The following FARP1 variants were observed in gnomAD, a reference collection of about 807,000 sequenced individuals.
FARP1 encodes the protein FERM, ARH/RhoGEF and pleckstrin domain protein 1.
FARP1 carries 52 observed loss-of-function variants against 128.8 expected under a neutral mutation model. The observed-to-expected ratio is 0.40, with a 90% confidence interval of 0.32 to 0.51. The LOEUF (loss-of-function observed/expected upper bound fraction) is 0.51. Ranked by LOEUF, FARP1 falls within the 20% of genes least tolerant of loss-of-function variation. The pLI is 0.45. For synonymous variants in FARP1, 580 were observed against 551.8 expected, an observed-to-expected ratio of 1.05 and a Z score of -0.72; for missense variants, 1,333 against 1,367.9, an observed-to-expected ratio of 0.97 and a Z score of 0.40.
At chr13:98,277,150 C>CACACACACACACACACA (rs1566824337) in intron 2 of FARP1, among the ~76,000 whole-genome samples, 373 of 11,680 alleles carry the variant, frequency 0.032, 3 homozygotes, top group African/African-American at 0.051. Context: ...ACACACACAC[C>CACACACACACACACACA]CCATATGTAT....
intron 1 of FARP1, among the ~76,000 whole-genome samples, chr13:98,149,759 A>G: frequency 1.5e-5 from 1 of 68,116 alleles, no homozygotes; most frequent in Admixed American, 2.4e-4. Context: ...TTTTTTTGAG[A>G]CGGAGTCTTA....
At chr13:98,384,898 A>C in intron 7 of FARP1, 54 bp downstream of exon 7, 1 of 1,068,564 alleles carries the variant, frequency 9.4e-7, no homozygotes, top group Non-Finnish European at 1.5e-6. Flanking sequence ...CTCTGCCTCC[A>C]ACCTACATGG....
chr13:98,215,968 T>G (rs1444020562), intron 2 of FARP1, among the ~76,000 whole-genome samples: 1 of 152,156 alleles, frequency 6.6e-6, no homozygotes, highest in Non-Finnish European at 1.5e-5. Context: ...TTTTTGTGTT[T>G]TTAGTAGAGA....
At chr13:98,384,690 C>G (rs372349611) in intron 6 of FARP1, 40 bp from the exon 7 acceptor site, 7 of 1,254,246 alleles carry the variant, frequency 5.6e-6, no homozygotes, top group South Asian at 2.4e-5. Context: ...TGGGAAGTGT[C>G]ATTCCTACGT....
chr13:98,242,606 G>C (rs550172153), intron 2 of FARP1, among the ~76,000 whole-genome samples: 85 of 152,206 alleles, frequency 5.6e-4, no homozygotes, highest in Non-Finnish European at 1.0e-3. Flanking sequence ...TTGAGCCAAG[G>C]AGGTTGATGC....
rs553106977 is a variant in FARP1, at chr13:98,170,288, A to G, written c.-24+26796A>G. Among the ~76,000 whole-genome samples the G allele has an allele frequency of 9.2e-5, 14 of 151,984 alleles. 1 individual carries two copies. The highest frequency in any genetic ancestry group is 2.4e-4 in the African/African-American group (10 of 41,416). ...AACCTCTGCCTCCCGTGTTCAAGCA[A>G]TCTTCCCACCTCAGCCTCCCAAGCA... On this transcript the variant is annotated intron_variant, in intron 1 of 26. Transcript: ENST00000319562.
chr13:98,444,283 C>A (rs142214692), intron 24 of FARP1, among the ~76,000 whole-genome samples: 73 of 152,228 alleles, frequency 4.8e-4, no homozygotes, highest in African/African-American at 1.6e-3. Context: ...GACCCTGTGT[C>A]CATGTGAGGT....
intron 1 of FARP1, among the ~76,000 whole-genome samples, chr13:98,195,620 G>A (rs938381560): frequency 1.3e-5 from 2 of 152,120 alleles, no homozygotes; most frequent in Non-Finnish European, 2.9e-5. Flanking sequence ...TCTTTTGTGG[G>A]TACTCAGTGT....
intron 1 of FARP1, among the ~76,000 whole-genome samples, chr13:98,154,583 A>C (rs991319487): frequency 1.3e-5 from 2 of 152,120 alleles, no homozygotes; most frequent in Non-Finnish European, 2.9e-5. Flanking sequence ...AGCGGGAATA[A>C]ATAAGATGTC....
chr13:98,449,295 G>A lies in FARP1; in HGVS notation c.*978G>A, dbSNP rs1893066614. On this transcript the variant is annotated 3_prime_UTR_variant, in exon 27 of 27. Coordinates refer to ENST00000319562, the MANE Select transcript of FARP1 (RefSeq NM_005766.4). The stretch of plus-strand genomic sequence containing the variant: ...GTGGTTTGAAACTGCGCATTCTCTA[G>A]TAGTATATATCGTGCCTGTCTTCAA... The A allele has an allele frequency of 1.3e-5, 2 of 152,206 alleles. No individual in the cohort carries two copies. The highest frequency in any genetic ancestry group is 4.8e-5 in the African/African-American group (2 of 41,434). The allele number at this position is 152,206 out of a possible 1,614,324, so 9.4% of individuals were successfully genotyped here.
intron 8 of FARP1, 164 bp downstream of exon 8, chr13:98,385,978 A>C: frequency 1.5e-6 from 1 of 658,302 alleles, no homozygotes; most frequent in East Asian, 2.8e-5. Flanking sequence ...CCAGGCCCTC[A>C]GCTCCCAGAT....
intron 3 of FARP1, among the ~76,000 whole-genome samples, chr13:98,347,578 T>C (rs1888233948): frequency 6.6e-6 from 1 of 152,180 alleles, no homozygotes; most frequent in Admixed American, 6.5e-5. Flanking sequence ...TTCCCTCCAT[T>C]TTAAGGCCAA....
intron 2 of FARP1, among the ~76,000 whole-genome samples, chr13:98,278,109 T>C (rs1235970950): frequency 2.0e-5 from 3 of 152,202 alleles, no homozygotes; most frequent in Non-Finnish European, 4.4e-5. Context: ...TCAAAAGAGC[T>C]GTGTTTTCTT....
Position 98,343,954 on chromosome 13 carries a change from T to C in FARP1, c.276+88T>C, listed in dbSNP as rs141152645. 821 of 858,824 alleles carry C rather than the reference T, an allele frequency of 9.6e-4. 11 individuals carry two copies. In the African/African-American group the frequency reaches 0.012, roughly 12 times the overall value. The allele number at this position is 858,824 out of a possible 1,614,324, so 53.2% of individuals were successfully genotyped here. Reference sequence around the variant, plus strand: ...AGGGGCCAGTCTAAATGATTGTGAGTGAGATATTTTCATGCTGTCTGTTTT... The same window carrying C: ...AGGGGCCAGTCTAAATGATTGTGAGCGAGATATTTTCATGCTGTCTGTTTT... On this transcript the variant is annotated intron_variant, in intron 3 of 26. Coordinates refer to ENST00000319562, the MANE Select transcript of FARP1 (RefSeq NM_005766.4).
At chr13:98,362,237 C>T (rs549089627) in intron 3 of FARP1, among the ~76,000 whole-genome samples, 8 of 152,290 alleles carry the variant, frequency 5.3e-5, no homozygotes, top group South Asian at 2.1e-4. Flanking sequence ...GACAGTGAGA[C>T]GCTGTCTCAA....
intron 16 of FARP1, among the ~76,000 whole-genome samples, chr13:98,413,624 C>G (rs1292578963): frequency 1.3e-5 from 2 of 152,206 alleles, no homozygotes; most frequent in Non-Finnish European, 2.9e-5. Flanking sequence ...TGTGCCACTG[C>G]ACTCCAGCCT....
At chr13:98,326,074 T>C (rs1887220726) in intron 2 of FARP1, among the ~76,000 whole-genome samples, 1 of 152,234 alleles carries the variant, frequency 6.6e-6, no homozygotes, top group Admixed American at 6.5e-5. Context: ...GAAAAATGAA[T>C]GAAAATCAAA....
intron 7 of FARP1, among the ~76,000 whole-genome samples, chr13:98,385,163 G>A (rs1340942705): frequency 6.6e-6 from 1 of 152,198 alleles, no homozygotes; most frequent in East Asian, 1.9e-4. Flanking sequence ...CAAGGTCAGA[G>A]TATCGTGAAA....
intron 2 of FARP1, among the ~76,000 whole-genome samples, chr13:98,248,569 T>G (rs147421055): frequency 6.6e-6 from 1 of 152,200 alleles, no homozygotes; most frequent in African/African-American, 2.4e-5. Context: ...GATAACACAT[T>G]CTTCATGGAT....
Sources: allele counts gnomAD v4.1 joint callset (sites outside exome capture counted in the v4.1 genomes callset), GRCh38; gene constraint gnomAD v4.1.1; transcripts MANE v1.5; gene names NCBI Gene and HGNC (gene_info 2026-07-23, HGNC 2026-07-21).